Variants in SVBP observed in about 807,000 individuals in gnomAD.
SVBP encodes the protein small vasohibin binding protein.
In SVBP, 9 loss-of-function variants were observed where a neutral mutation model predicts 9.2. The ratio of observed to expected loss-of-function variants is 0.98; its 90% CI spans 0.59 to 1.71. The LOEUF is 1.71. SVBP is among the 40% of genes most tolerant of loss of function. The pLI is 0.00. For missense variants in SVBP, 63 were observed against 73.2 expected, an observed-to-expected ratio of 0.86 and a Z score of 0.51; for synonymous variants, 27 against 23.9, an observed-to-expected ratio of 1.13 and a Z score of -0.37.
At chr1:42,809,306 G>A (rs1269526832) in intron 2 of SVBP, among the ~76,000 whole-genome samples, 4 of 151,928 alleles carry the variant, frequency 2.6e-5, no homozygotes, top group Non-Finnish European at 5.9e-5. Flanking sequence ...AAGGAAGGGG[G>A]AAAAAATGAA....
chr1:42,817,345 C>T lies in SVBP; in HGVS notation c.-192G>A, dbSNP rs924828781. 1.2e-6 allele frequency: 1 copy of T among 860,006 alleles called. No individual in the cohort carries two copies. The highest frequency in any genetic ancestry group is 1.5e-6 in the Non-Finnish European group (1 of 678,010). The allele number at this position is 860,006 out of a possible 1,614,324, so 53.3% of individuals were successfully genotyped here. On this transcript the variant is annotated 5_prime_UTR_variant, in exon 1 of 3. Coordinates refer to ENST00000372521, the MANE Select transcript of SVBP (RefSeq NM_199342.4). ...GGGCCGCGCGCCGGGGGGAGGGGCGCAGGGCCGAGCGCCAGGAGGCTTCCG... is the reference window on the plus strand; with the variant it reads ...GGGCCGCGCGCCGGGGGGAGGGGCGTAGGGCCGAGCGCCAGGAGGCTTCCG...
At position 42,817,317 on chromosome 1, in the gene SVBP, G is replaced by A; in HGVS notation, c.-164C>T. 1 of 1,136,062 alleles carries A rather than the reference G, an allele frequency of 8.8e-7. No individual in the cohort carries two copies. Among genetic ancestry groups the A allele is most frequent in the Non-Finnish European group, 1.1e-6 (1 of 884,742 alleles). The allele number at this position is 1,136,062 out of a possible 1,614,324, so 70.4% of individuals were successfully genotyped here. A position where few individuals can be genotyped will look rare whatever the true frequency, so the allele number is the denominator to read the frequency against. ...GCCTGCCCACCGCCCCTCGTCCTGG[G>A]CGGGGCCGCGCGCCGGGGGGAGGGG... On this transcript the variant is annotated 5_prime_UTR_variant, in exon 1 of 3. Transcript: ENST00000372521.
At chr1:42,808,143 G>GTATATATA (rs1344012080) in intron 2 of SVBP, among the ~76,000 whole-genome samples, 40 of 44,622 alleles carry the variant, frequency 9.0e-4, no homozygotes, top group Middle Eastern at 0.017. Context: ...TAGTGTGTGT[G>GTATATATA]TGTGTGTATA....
At chr1:42,809,697 TTACTAAC>T (rs1654037350) in intron 2 of SVBP, among the ~76,000 whole-genome samples, 1 of 152,172 alleles carries the variant, frequency 6.6e-6, no homozygotes, top group Non-Finnish European at 1.5e-5. Context: ...ATGAAAATAG[TTACTAAC>T]ACTACCGCAA....
At chr1:42,811,267 A>G (rs1178101638) in intron 2 of SVBP, among the ~76,000 whole-genome samples, 1 of 152,214 alleles carries the variant, frequency 6.6e-6, no homozygotes, top group Non-Finnish European at 1.5e-5. Flanking sequence ...CTCTTTAACT[A>G]CAGGACTCTA....
chr1:42,807,608 T>C, intron 2 of SVBP, 108 bp from the exon 3 acceptor site: 1 of 808,258 alleles, frequency 1.2e-6, no homozygotes, highest in Admixed American at 1.8e-5. Context: ...TCACCAGTAG[T>C]GGTAATGCAG....
At chr1:42,811,626 C>G (rs756597826) in intron 2 of SVBP, among the ~76,000 whole-genome samples, 1 of 152,210 alleles carries the variant, frequency 6.6e-6, no homozygotes, top group Non-Finnish European at 1.5e-5. Flanking sequence ...GCTTCCTCTG[C>G]CAAGTACTGC....
intron 2 of SVBP, chr1:42,813,646 T>A: frequency 1.9e-6 from 1 of 529,274 alleles, no homozygotes; most frequent in South Asian, 1.4e-5. Context: ...GGCTGGCAAC[T>A]GGTTCTCCAT....
At chr1:42,814,225 G>C (rs1557599612) in intron 2 of SVBP, among the ~76,000 whole-genome samples, 8 of 150,242 alleles carry the variant, frequency 5.3e-5, no homozygotes, top group African/African-American at 1.2e-4. Flanking sequence ...GGGACTACAG[G>C]GAGCACCACC....
chr1:42,809,501 T>G (rs559168722), intron 2 of SVBP, among the ~76,000 whole-genome samples: 93 of 152,212 alleles, frequency 6.1e-4, no homozygotes, highest in Non-Finnish European at 1.2e-3. Flanking sequence ...ATAAACATTA[T>G]TAGGAACTAG....
At chr1:42,816,663 T>C (rs1370092231) in intron 1 of SVBP, 83 bp from the exon 2 acceptor site, 2 of 683,692 alleles carry the variant, frequency 2.9e-6, no homozygotes, top group Admixed American at 5.5e-5. Context: ...ATCCTTTAGC[T>C]CCGCCCCATC....
Position 42,816,416 on chromosome 1 carries a change from C to G in SVBP, c.114+15G>C. The G allele has an allele frequency of 6.4e-7, 1 of 1,567,294 alleles. No individual in the cohort carries two copies. Among genetic ancestry groups the G allele is most frequent in the Non-Finnish European group, 8.8e-7 (1 of 1,137,860 alleles). On this transcript the variant is annotated intron_variant, in intron 2 of 2. Transcript: ENST00000372521. ...AGCAGACTACAGGCATACAGAGCCT[C>G]CGCCTTAATCTCACCTCTGCTCTTT... is the stretch of plus-strand genomic sequence containing the variant.
intron 2 of SVBP, among the ~76,000 whole-genome samples, chr1:42,815,497 G>A (rs902573212): frequency 6.6e-6 from 1 of 151,680 alleles, no homozygotes; most frequent in Non-Finnish European, 1.5e-5. Context: ...TAAGGCAGGT[G>A]CCAAAGGAGA....
chr1:42,810,657 A>G (rs1277207503), intron 2 of SVBP, among the ~76,000 whole-genome samples: 1 of 152,152 alleles, frequency 6.6e-6, no homozygotes, highest in South Asian at 2.1e-4. Flanking sequence ...ACTCTCAGTC[A>G]AGAAGGAAAC....
intron 2 of SVBP, among the ~76,000 whole-genome samples, chr1:42,810,632 C>T (rs867093259): frequency 6.6e-6 from 1 of 152,020 alleles, no homozygotes; most frequent in African/African-American, 2.4e-5. Flanking sequence ...GTCAGGGTGT[C>T]CAGGCCAAAG....
intron 2 of SVBP, among the ~76,000 whole-genome samples, chr1:42,812,953 T>C (rs889303493): frequency 9.2e-5 from 14 of 152,222 alleles, no homozygotes; most frequent in African/African-American, 3.1e-4. Context: ...AAGTATTACA[T>C]GGTAAAAGGC....
chr1:42,810,541 T>C (rs1423985263), intron 2 of SVBP, among the ~76,000 whole-genome samples: 1 of 152,136 alleles, frequency 6.6e-6, no homozygotes, highest in African/African-American at 2.4e-5. Context: ...TACTAGGGAC[T>C]GAGATGCAAA....
chr1:42,808,083 A>T (rs981079871), intron 2 of SVBP, among the ~76,000 whole-genome samples: 1 of 146,614 alleles, frequency 6.8e-6, no homozygotes, highest in East Asian at 2.1e-4. Flanking sequence ...TTTATCTGGC[A>T]GATTCTGGAG....
intron 2 of SVBP, among the ~76,000 whole-genome samples, chr1:42,807,908 TG>T (rs2124239424): frequency 6.6e-6 from 1 of 151,842 alleles, no homozygotes; most frequent in Admixed American, 6.6e-5. Context: ...TGACAGGTGG[TG>T]GGGGAGGCTT....
Sources: allele counts gnomAD v4.1 joint callset (sites outside exome capture counted in the v4.1 genomes callset), GRCh38; gene constraint gnomAD v4.1.1; transcripts MANE v1.5; gene names NCBI Gene and HGNC (gene_info 2026-07-23, HGNC 2026-07-21).